Variants in MET observed in about 807,000 individuals in gnomAD.
MET encodes MET proto-oncogene, receptor tyrosine kinase.
Under a neutral mutation model 133.1 loss-of-function variants are expected in MET, and 48 were observed. That is an observed-to-expected ratio of 0.36 (90% confidence interval 0.29 to 0.46). MET has a LOEUF of 0.46. Ranked by LOEUF, MET falls within the 20% of genes least tolerant of loss-of-function variation. The pLI is 1.00. For missense variants in MET, 1,442 were observed against 1,695.9 expected, an observed-to-expected ratio of 0.85 and a Z score of 2.63; for synonymous variants, 628 against 616.5, an observed-to-expected ratio of 1.02 and a Z score of -0.28.
intron 2 of MET, among the ~76,000 whole-genome samples, chr7:116,713,988 G>A (rs1221476287): frequency 6.6e-6 from 1 of 152,198 alleles, no homozygotes; most frequent in African/African-American, 2.4e-5. Flanking sequence ...ACTTCTATGA[G>A]TAAGTGCATT....
At chr7:116,779,428 A>G (rs1795089780) in intron 17 of MET, among the ~76,000 whole-genome samples, 1 of 152,168 alleles carries the variant, frequency 6.6e-6, no homozygotes, top group Admixed American at 6.5e-5. Flanking sequence ...CTCCCCGCAA[A>G]TAGCCACGTA....
chr7:116,688,283 G>A (rs535434508), intron 1 of MET, among the ~76,000 whole-genome samples: 5 of 151,950 alleles, frequency 3.3e-5, no homozygotes, highest in South Asian at 2.1e-4. Context: ...TGTGATTTGC[G>A]GATTTATGTT....
chr7:116,757,993 T>G (rs1047413498), intron 8 of MET, among the ~76,000 whole-genome samples: 2 of 152,180 alleles, frequency 1.3e-5, no homozygotes, highest in Non-Finnish European at 2.9e-5. Flanking sequence ...TACTTTTCAG[T>G]TTTGTCTTCC....
At chr7:116,768,785 CTG>C (rs1192191666) in intron 11 of MET, among the ~76,000 whole-genome samples, 4 of 152,166 alleles carry the variant, frequency 2.6e-5, no homozygotes, top group South Asian at 4.1e-4. Context: ...CAATAAATAA[CTG>C]TACTCATTAA....
chr7:116,794,913 A>G (rs1795623619), intron 19 of MET, among the ~76,000 whole-genome samples: 1 of 152,224 alleles, frequency 6.6e-6, no homozygotes, highest in Non-Finnish European at 1.5e-5. Flanking sequence ...TCAGTAGACC[A>G]AACAAGACCT....
chr7:116,714,510 G>A (rs1792117644), intron 2 of MET, among the ~76,000 whole-genome samples: 1 of 152,000 alleles, frequency 6.6e-6, no homozygotes, highest in South Asian at 2.1e-4. Context: ...AGTCTTAGAG[G>A]ATTTACTGCC....
intron 2 of MET, among the ~76,000 whole-genome samples, chr7:116,716,129 G>A (rs1359019914): frequency 6.6e-6 from 1 of 152,006 alleles, no homozygotes; most frequent in Admixed American, 6.6e-5. Flanking sequence ...GCACATGCCT[G>A]TAGTCCCAGC....
chr7:116,682,206 A>G (rs1161860934), intron 1 of MET, among the ~76,000 whole-genome samples: 1 of 152,326 alleles, frequency 6.6e-6, no homozygotes, highest in East Asian at 1.9e-4. Flanking sequence ...ATTAATGACA[A>G]TGAAAGGTGA....
intron 1 of MET, among the ~76,000 whole-genome samples, chr7:116,698,082 TA>T (rs1306906825): frequency 1.3e-5 from 2 of 151,952 alleles, no homozygotes; most frequent in East Asian, 1.9e-4. Context: ...TTATGCTATT[TA>T]AAAAAAAGTC....
chr7:116,783,970 G>A (rs926144902), intron 19 of MET, among the ~76,000 whole-genome samples: 2 of 152,182 alleles, frequency 1.3e-5, no homozygotes, highest in African/African-American at 4.8e-5. Flanking sequence ...CTCTCAAAAG[G>A]CATGCACCTG....
chr7:116,702,151 C>T (rs1032603208), intron 2 of MET, among the ~76,000 whole-genome samples: 1 of 152,052 alleles, frequency 6.6e-6, no homozygotes, highest in Non-Finnish European at 1.5e-5. Context: ...TCAGTTTTAT[C>T]GCCCAGGAAA....
chr7:116,741,009 T>G lies in MET; in HGVS notation c.1685T>G (p.Leu562Arg), dbSNP rs1374724128. ...LSGTWTQQIC[L>R]PAIYKVFPNS... The stretch of plus-strand genomic sequence containing the variant: ...GGGACATGGACTCAACAGATCTGTC[T>G]GCCTGCAATCTACAAGGTAGGAATC... Residue 562 changes from leucine (L) to arginine (R), a missense_variant, in exon 5 of 21, where the codon CTG becomes CGG. Leu to Arg is a moderately radical substitution (Grantham distance 102). Coordinates refer to ENST00000397752, the MANE Select transcript of MET (RefSeq NM_000245.4). 1 of 1,613,160 alleles carries G rather than the reference T, an allele frequency of 6.2e-7. No homozygotes were observed.
intron 2 of MET, among the ~76,000 whole-genome samples, chr7:116,700,589 A>T (rs930916473): frequency 5.3e-5 from 8 of 152,192 alleles, no homozygotes; most frequent in Non-Finnish European, 1.2e-4. Flanking sequence ...CACAGATTTT[A>T]TCAGATTTAC....
At chr7:116,714,062 C>T (rs1050005124) in intron 2 of MET, among the ~76,000 whole-genome samples, 13 of 152,176 alleles carry the variant, frequency 8.5e-5, no homozygotes, top group Non-Finnish European at 1.5e-4. Flanking sequence ...GCATTAAAAC[C>T]TTCCTAACTT....
chr7:116,769,809 C>T lies in MET; in HGVS notation c.2730+18C>T, dbSNP rs779587544. 5.6e-6 allele frequency: 9 copies of T among 1,613,504 alleles called. No homozygotes were observed. In the East Asian group the frequency reaches 1.3e-4, roughly 24 times the overall value. On this transcript the variant is annotated intron_variant, in intron 12 of 20. Transcript: ENST00000397752. ...ATATAGAGGTGGGATTCCTGCATTC[C>T]TCTCATGATGTAAATAAGGAAGCCA...
chr7:116,770,088 G>A (rs1323314530), intron 12 of MET, among the ~76,000 whole-genome samples: 2 of 152,150 alleles, frequency 1.3e-5, no homozygotes, highest in African/African-American at 2.4e-5. Context: ...ATCCAAGAGT[G>A]TCCTTCTACT....
chr7:116,779,619 C>T (rs1386756691), intron 17 of MET, among the ~76,000 whole-genome samples: 1 of 152,146 alleles, frequency 6.6e-6, no homozygotes, highest in African/African-American at 2.4e-5. Flanking sequence ...CTGCCTGAAG[C>T]TGCCCAATAC....
intron 19 of MET, among the ~76,000 whole-genome samples, chr7:116,786,612 G>A (rs1239643960): frequency 6.6e-6 from 1 of 152,168 alleles, no homozygotes; most frequent in East Asian, 1.9e-4. Context: ...TGATTTGGAG[G>A]TCTAGAGTGT....
In MET at chr7:116,704,416, T is replaced by C. The variant is rs138536032; in HGVS notation, c.1200+4132T>C. On this transcript the variant is annotated intron_variant, in intron 2 of 20. Transcript: ENST00000397752. ...ACTATAGTGTGGACAAGTATATTAATAACATCTGTAAAAGGTCCCAACTTG... is the reference window on the plus strand; with the variant it reads ...ACTATAGTGTGGACAAGTATATTAACAACATCTGTAAAAGGTCCCAACTTG... Among the ~76,000 whole-genome samples, 537 of 152,242 alleles carry C rather than the reference T, an allele frequency of 3.5e-3. 3 individuals carry two copies. The highest frequency in any genetic ancestry group is 0.022 in the South Asian group (104 of 4,828).
Sources: allele counts gnomAD v4.1 joint callset (sites outside exome capture counted in the v4.1 genomes callset), GRCh38; gene constraint gnomAD v4.1.1; transcripts MANE v1.5; gene names NCBI Gene and HGNC (gene_info 2026-07-23, HGNC 2026-07-21).